Variants in EED observed in about 807,000 individuals in gnomAD.
EED encodes embryonic ectoderm development, also known as polycomb protein EED.
Under a neutral mutation model 61.0 loss-of-function variants are expected in EED, and 9 were observed. The ratio of observed to expected loss-of-function variants is 0.15; its 90% confidence interval spans 0.09 to 0.26. The LOEUF (loss-of-function observed/expected upper bound fraction) is 0.26, where lower values mean the gene tolerates loss of function less well. Ranked by LOEUF, EED falls within the 10% of genes least tolerant of loss-of-function variation. The pLI, the probability that EED is intolerant of heterozygous loss-of-function variation, is 1.00. For synonymous variants in EED, 187 were observed against 174.4 expected (o/e 1.07, Z -0.57); for missense variants, 315 against 542.3 (o/e 0.58, Z 4.16).
intron 1 of EED, among the ~76,000 whole-genome samples, chr11:86,248,420 A>G (rs1945443395): frequency 6.6e-6 from 1 of 152,226 alleles, no homozygotes; most frequent in Non-Finnish European, 1.5e-5. Context: ...AGAAACTGAT[A>G]TATAAAAACG....
intron 9 of EED, among the ~76,000 whole-genome samples, chr11:86,271,760 T>G (rs983006593): frequency 6.6e-6 from 1 of 152,124 alleles, no homozygotes; most frequent in Admixed American, 6.5e-5. Flanking sequence ...TTATCTTGTG[T>G]TGCCTATTAA....
At chr11:86,283,494 C>A (rs1446552077), downstream of EED, among the ~76,000 whole-genome samples, 1 of 152,094 alleles carries the variant, frequency 6.6e-6, no homozygotes, top group African/African-American at 2.4e-5. Context: ...TATATGAGAG[C>A]AGGGTTTTTA....
At chr11:86,260,224 CTTT>C (rs1174299883) in intron 6 of EED, among the ~76,000 whole-genome samples, 1 of 151,892 alleles carries the variant, frequency 6.6e-6, no homozygotes, top group Non-Finnish European at 1.5e-5. Flanking sequence ...TACATTCTTT[CTTT>C]TTTTTAAATA....
chr11:86,247,140 G>T (rs913827640), intron 1 of EED, among the ~76,000 whole-genome samples: 3 of 152,158 alleles, frequency 2.0e-5, no homozygotes, highest in Non-Finnish European at 4.4e-5. Flanking sequence ...TCTTCTTGCA[G>T]ACCCTTACAG....
chr11:86,272,333 C>T (rs968249967), intron 9 of EED, among the ~76,000 whole-genome samples: 2 of 151,766 alleles, frequency 1.3e-5, no homozygotes, highest in Non-Finnish European at 2.9e-5. Flanking sequence ...GCTGGGGTTA[C>T]AGGCGTGAGC....
At chr11:86,257,955 A>G (rs1350626417) in intron 6 of EED, among the ~76,000 whole-genome samples, 2 of 152,146 alleles carry the variant, frequency 1.3e-5, no homozygotes, top group Non-Finnish European at 2.9e-5. Context: ...TTACTTTGGC[A>G]TGTACATTCT....
chr11:86,251,969 T>G (rs149102793), intron 2 of EED, among the ~76,000 whole-genome samples, 179 bp from the exon 3 acceptor site: 105 of 152,366 alleles, frequency 6.9e-4, no homozygotes, highest in African/African-American at 2.5e-3. Flanking sequence ...CACAATATTT[T>G]AAAATGTGAA....
intron 8 of EED, 154 bp from the exon 9 acceptor site, chr11:86,268,302 A>G (rs993533929): frequency 3.4e-5 from 17 of 499,544 alleles, no homozygotes; most frequent in African/African-American, 3.4e-4. Context: ...TTAGCTTTCA[A>G]TAAATAGATA....
intron 3 of EED, among the ~76,000 whole-genome samples, chr11:86,254,923 A>G (rs968197605): frequency 6.6e-6 from 1 of 152,236 alleles, no homozygotes; most frequent in Non-Finnish European, 1.5e-5. Flanking sequence ...GCCCGGCCTA[A>G]TATTTATTTT....
chr11:86,279,056 A>G (rs1280640425), downstream of EED, among the ~76,000 whole-genome samples: 2 of 152,212 alleles, frequency 1.3e-5, no homozygotes, highest in Non-Finnish European at 2.9e-5. Context: ...GACATATAAT[A>G]AGCCCTAAAT....
chr11:86,280,251 C>A (rs1221480643), downstream of EED, among the ~76,000 whole-genome samples: 4 of 152,210 alleles, frequency 2.6e-5, no homozygotes, highest in East Asian at 7.7e-4. Context: ...CCACGATGCC[C>A]AGCTAATTTT....
intron 1 of EED, among the ~76,000 whole-genome samples, chr11:86,246,012 G>A (rs1945383003): frequency 6.6e-6 from 1 of 152,312 alleles, no homozygotes; most frequent in East Asian, 1.9e-4. Context: ...TAAAGGTGAG[G>A]GGGGTGGCGA....
At position 86,244,774 on chromosome 11, in the gene EED, T is replaced by C; in HGVS notation, c.-456T>C. On this transcript the variant is annotated 5_prime_UTR_variant, in exon 1 of 12. Transcript: ENST00000263360. Reference sequence around the variant, plus strand: ...GCCCATTCCACAGACTTTCGCTCCCTAGCAGCGGGTCGGAGATCGAAGGAA... The same window carrying C: ...GCCCATTCCACAGACTTTCGCTCCCCAGCAGCGGGTCGGAGATCGAAGGAA... 1 of 233,912 alleles carries C rather than the reference T, an allele frequency of 4.3e-6. No individual in the cohort carries two copies. Among genetic ancestry groups the C allele is most frequent in the Non-Finnish European group, 8.4e-6 (1 of 118,346 alleles). 14.5% of individuals were successfully genotyped at this position (233,912 alleles called of 1,614,324 possible). A position where few individuals can be genotyped will look rare whatever the true frequency, so the allele number is the denominator to read the frequency against.
At position 86,252,408 on chromosome 11, in the gene EED, T is replaced by C. The variant is rs187278460; in HGVS notation, c.360+168T>C. ...AGAAATTAATTAAAACTAGTATGCA[T>C]GGCTGAAAATACATCTATATTTAAT... On this transcript the variant is annotated intron_variant, in intron 3 of 11. Coordinates refer to ENST00000263360, the MANE Select transcript of EED (RefSeq NM_003797.5). Among the ~76,000 whole-genome samples, 100 of 152,262 alleles carry C rather than the reference T, an allele frequency of 6.6e-4. 1 individual carries two copies. The highest frequency in any genetic ancestry group is 1.3e-3 in the Non-Finnish European group (88 of 68,010).
At chr11:86,245,421 A>T in intron 1 of EED, 78 bp downstream of exon 1, 1 of 1,038,664 alleles carries the variant, frequency 9.6e-7, no homozygotes, top group Non-Finnish European at 1.4e-6. Context: ...CGCGGGGACG[A>T]GCGGGCTGCT....
chr11:86,266,043 G>A (rs2138196687), intron 7 of EED, 40 bp from the exon 8 acceptor site: 1 of 1,516,572 alleles, frequency 6.6e-7, no homozygotes, highest in Non-Finnish European at 8.9e-7. Flanking sequence ...ATATAATTTG[G>A]AGCTGTAATT....
intron 3 of EED, among the ~76,000 whole-genome samples, chr11:86,254,876 C>T (rs1226156343): frequency 1.3e-5 from 2 of 152,214 alleles, no homozygotes; most frequent in African/African-American, 4.8e-5. Flanking sequence ...ATGCCTTGGC[C>T]TCCCAAAATG....
intron 5 of EED, 48 bp downstream of exon 5, chr11:86,256,560 A>G (rs1297366307): frequency 4.1e-6 from 6 of 1,468,178 alleles, no homozygotes; most frequent in South Asian, 1.4e-5. Flanking sequence ...TGAATCCACA[A>G]CTGTAAAAAC....
rs1277436586 is a variant in EED, at chr11:86,256,485, A to G, written c.525A>G (p.Ile175Met). The change falls in exon 5 of 12, where the codon ATA (isoleucine) becomes ATG (methionine). Residue 175 changes from isoleucine to methionine, a missense_variant. Physicochemically the swap from Ile to Met is conservative, Grantham distance 10. Transcript: ENST00000263360. ...VAGSRGIIRIINPITMQCIKH... is the reference protein window; with the variant it reads ...VAGSRGIIRIMNPITMQCIKH... Reference sequence around the variant, plus strand: ...GATCTAGAGGCATAATTAGGATAATAAATCCTATAACAATGCAGTGTATAA... The same window carrying G: ...GATCTAGAGGCATAATTAGGATAATGAATCCTATAACAATGCAGTGTATAA... 1.2e-6 allele frequency: 2 copies of G among 1,611,358 alleles called. No homozygotes were observed. Among genetic ancestry groups the G allele is most frequent in the Non-Finnish European group, 8.5e-7 (1 of 1,178,262 alleles).
Sources: gnomAD v4.1 joint callset for allele counts (sites outside exome capture counted in the v4.1 genomes callset) on GRCh38, gnomAD v4.1.1 for gene constraint, MANE v1.5 for transcripts, NCBI Gene and HGNC (gene_info 2026-07-23, HGNC 2026-07-21) for gene names.